The following LIN52 variants were observed in gnomAD, a reference collection of about 807,000 sequenced individuals.
The protein encoded by LIN52 is protein lin-52 homolog.
LIN52 carries 4 observed loss-of-function variants against 18.5 expected under a neutral mutation model. That is an observed-to-expected ratio of 0.22 (90% confidence interval 0.11 to 0.49). The LOEUF (loss-of-function observed/expected upper bound fraction) is 0.49, where lower values mean the gene tolerates loss of function less well. LIN52 is among the 20% of genes least tolerant of loss of function. The pLI is 0.97. For synonymous variants in LIN52, 34 were observed against 45.5 expected (o/e 0.75, Z 1.02); for missense variants, 102 against 139.5 (o/e 0.73, Z 1.35).
chr14:74,167,112 C>CTTTTTTT (rs9323596), intron 5 of LIN52, among the ~76,000 whole-genome samples: 1 of 119,120 alleles, frequency 8.4e-6, no homozygotes, highest in Non-Finnish European at 1.7e-5. Context: ...GCCTCTGCTG[C>CTTTTTTT]TTTTTTTTTT....
intron 5 of LIN52, among the ~76,000 whole-genome samples, chr14:74,126,233 G>T (rs1285222994): frequency 6.6e-6 from 1 of 152,170 alleles, no homozygotes; most frequent in East Asian, 1.9e-4. Flanking sequence ...AAAACAGAAA[G>T]TAACAGGTAT....
rs527576542 is a variant in LIN52 at position 74,120,272 on chromosome 14, T to C, written c.283+19034T>C. On this transcript the variant is annotated intron_variant, in intron 5 of 5. Transcript: ENST00000555028. Reference sequence around the variant, plus strand: ...TAATTTTCTTAATGGTATGTTTTAATGAACCAAAGAGTTTTTTCCCCCAAC... The same window carrying C: ...TAATTTTCTTAATGGTATGTTTTAACGAACCAAAGAGTTTTTTCCCCCAAC... 3.9e-5 allele frequency among the ~76,000 whole-genome samples: 6 copies of C among 152,324 alleles called. No homozygotes were observed. In the East Asian group the frequency reaches 1.2e-3, roughly 29 times the overall value.
intron 5 of LIN52, among the ~76,000 whole-genome samples, chr14:74,198,220 T>G (rs1489436470): frequency 1.3e-5 from 2 of 152,228 alleles, no homozygotes; most frequent in Non-Finnish European, 2.9e-5. Context: ...TACTTTCATT[T>G]TGGAGCCTTA....
intron 3 of LIN52, among the ~76,000 whole-genome samples, chr14:74,096,743 A>G (rs912870720): frequency 4.6e-5 from 7 of 152,132 alleles, no homozygotes; most frequent in Non-Finnish European, 1.5e-5. Flanking sequence ...GCACCAAGAA[A>G]AAAATTAATT....
At chr14:74,160,775 A>G (rs1316405585) in intron 5 of LIN52, among the ~76,000 whole-genome samples, 1 of 152,182 alleles carries the variant, frequency 6.6e-6, no homozygotes, top group Non-Finnish European at 1.5e-5. Flanking sequence ...GCTCAGTGTG[A>G]TTTAAGGCAG....
chr14:74,136,805 C>T (rs1224701487), intron 5 of LIN52, among the ~76,000 whole-genome samples: 4 of 152,018 alleles, frequency 2.6e-5, no homozygotes, highest in African/African-American at 9.7e-5. Flanking sequence ...CCAGCAGCTG[C>T]CCCCCTTAAT....
chr14:74,180,924 C>G (rs1045179160), intron 5 of LIN52, among the ~76,000 whole-genome samples: 2 of 151,588 alleles, frequency 1.3e-5, no homozygotes, highest in Non-Finnish European at 1.5e-5. Flanking sequence ...GCCTGAGCAA[C>G]GTAGTGAGAC....
chr14:74,185,015 T>C (rs2061335045), intron 5 of LIN52, among the ~76,000 whole-genome samples: 1 of 152,008 alleles, frequency 6.6e-6, no homozygotes, highest in Non-Finnish European at 1.5e-5. Context: ...GATAACCTTC[T>C]TGCTTTCAGG....
intron 5 of LIN52, among the ~76,000 whole-genome samples, chr14:74,127,844 TG>T (rs34803102): frequency 3.3e-5 from 5 of 152,080 alleles, no homozygotes; most frequent in Non-Finnish European, 5.9e-5. Flanking sequence ...CCCAAAGTGC[TG>T]GGATTACAGG....
intron 5 of LIN52, among the ~76,000 whole-genome samples, chr14:74,108,214 T>C (rs1472305615): frequency 6.6e-6 from 1 of 152,250 alleles, no homozygotes; most frequent in African/African-American, 2.4e-5. Flanking sequence ...TTTCTTTCTT[T>C]TTATGGCTGA....
intron 5 of LIN52, among the ~76,000 whole-genome samples, chr14:74,162,019 C>A (rs776674572): frequency 6.6e-6 from 1 of 151,968 alleles, no homozygotes; most frequent in Non-Finnish European, 1.5e-5. Context: ...AGTTAGGAAG[C>A]GAGAGACAGT....
chr14:74,152,032 GAATCACT>G (rs1451126248), intron 5 of LIN52, among the ~76,000 whole-genome samples: 1 of 152,114 alleles, frequency 6.6e-6, no homozygotes, highest in Non-Finnish European at 1.5e-5. Context: ...TGAGGTGGGC[GAATCACT>G]TGAGGCTGAG....
chr14:74,115,549 C>T (rs1283719660), intron 5 of LIN52, among the ~76,000 whole-genome samples: 1 of 152,116 alleles, frequency 6.6e-6, no homozygotes, highest in African/African-American at 2.4e-5. Flanking sequence ...ATTACTTTAC[C>T]ATCTTGCCAT....
At chr14:74,145,036 C>A (rs2061147895) in intron 5 of LIN52, among the ~76,000 whole-genome samples, 1 of 152,130 alleles carries the variant, frequency 6.6e-6, no homozygotes, top group Admixed American at 6.6e-5. Context: ...TGAGAGGGAA[C>A]CTTTGTGAAG....
chr14:74,171,733 ATTCTTTTTTT>A (rs1566866479), intron 5 of LIN52, among the ~76,000 whole-genome samples: 5 of 83,648 alleles, frequency 6.0e-5, no homozygotes, highest in Non-Finnish European at 9.1e-5. Flanking sequence ...TAATATTTTA[ATTCTTTTTTT>A]TTTTTTTTTT....
chr14:74,159,290 T>C (rs1354737284), intron 5 of LIN52, among the ~76,000 whole-genome samples: 2 of 152,232 alleles, frequency 1.3e-5, no homozygotes, highest in Admixed American at 1.3e-4. Context: ...ATAGTGTCAT[T>C]GGCTTTATTC....
At chr14:74,185,372 T>C (rs185753429) in intron 5 of LIN52, among the ~76,000 whole-genome samples, 85 of 130,978 alleles carry the variant, frequency 6.5e-4, no homozygotes, top group African/African-American at 2.4e-3. Context: ...TGGAGTGCAG[T>C]GGCTTAATCT....
chr14:74,095,876 C>A (rs984004541), intron 2 of LIN52, 72 bp from the exon 3 acceptor site: 43 of 955,654 alleles, frequency 4.5e-5, no homozygotes, highest in Non-Finnish European at 3.4e-5. Context: ...AAGCTGTTTT[C>A]TTATTATTTG....
chr14:74,158,091 TTCTA>T (rs2061207386), intron 5 of LIN52, among the ~76,000 whole-genome samples: 1 of 150,122 alleles, frequency 6.7e-6, no homozygotes, highest in Non-Finnish European at 1.5e-5. Context: ...TGTCTATGCT[TTCTA>T]TCATCACTGC....
Sources: allele counts gnomAD v4.1 joint callset (sites outside exome capture counted in the v4.1 genomes callset), GRCh38; gene constraint gnomAD v4.1.1; transcripts MANE v1.5; gene names NCBI Gene and HGNC (gene_info 2026-07-23, HGNC 2026-07-21).